Variants in EBF1 observed in about 807,000 individuals in gnomAD.
EBF1 encodes transcription factor COE1.
EBF1 carries 10 observed loss-of-function variants against 68.4 expected under a neutral mutation model. The observed-to-expected ratio is 0.15, with a 90% CI of 0.09 to 0.25. EBF1 has a LOEUF of 0.25. Among genes scored for constraint, EBF1 ranks in the 10% least tolerant of loss-of-function variants. The pLI, the probability that EBF1 is intolerant of heterozygous loss-of-function variation, is 1.00. For synonymous variants in EBF1, 298 were observed against 299.8 expected (o/e 0.99, Z 0.06); for missense variants, 509 against 794.4 (o/e 0.64, Z 4.32).
In EBF1 at chr5:158,835,695, C is replaced by CA. The variant is rs1208764345; in HGVS notation, c.636+4333dup. 9.2e-5 allele frequency among the ~76,000 whole-genome samples: 14 copies of CA among 152,126 alleles called. No individual in the cohort carries two copies. The East Asian group carries it at 2.5e-3, about 27-fold the overall frequency. On this transcript the variant is annotated intron_variant, in intron 7 of 15. Transcript: ENST00000313708. ...GGACAATTTTTTTTTGTTGTTGTTC[C>CA]AAAACATCAGAAAATATCTGAGTCA...
chr5:158,763,618 C>T (rs1358843842), intron 10 of EBF1, among the ~76,000 whole-genome samples: 1 of 152,110 alleles, frequency 6.6e-6, no homozygotes, highest in Non-Finnish European at 1.5e-5. Flanking sequence ...AGGAATTAAG[C>T]GTCTATACCA....
chr5:158,775,783 GACACACACACACACACACACACACAC>G (rs58752245), intron 10 of EBF1, among the ~76,000 whole-genome samples: 8 of 129,606 alleles, frequency 6.2e-5, no homozygotes, highest in East Asian at 4.8e-4. Flanking sequence ...CATGCACACA[GACACACACACACACACACACACACAC>G]ACACACACAC....
At chr5:159,093,057 T>C (rs1781935255) in intron 4 of EBF1, among the ~76,000 whole-genome samples, 1 of 152,242 alleles carries the variant, frequency 6.6e-6, no homozygotes, top group East Asian at 1.9e-4. Context: ...GAAAATTAAC[T>C]GTTTTACTCA....
intron 6 of EBF1, among the ~76,000 whole-genome samples, chr5:158,874,811 C>A (rs1307124325): frequency 6.6e-6 from 1 of 152,086 alleles, no homozygotes; most frequent in Non-Finnish European, 1.5e-5. Flanking sequence ...TTTACACCTA[C>A]AGTAATATAA....
chr5:158,820,423 A>G (rs987845641), intron 8 of EBF1, among the ~76,000 whole-genome samples: 1 of 152,218 alleles, frequency 6.6e-6, no homozygotes, highest in East Asian at 1.9e-4. Context: ...CACATTACCA[A>G]TGAAAGAGTT....
chr5:158,747,573 C>T (rs1359423210), intron 10 of EBF1, among the ~76,000 whole-genome samples: 1 of 152,120 alleles, frequency 6.6e-6, no homozygotes, highest in African/African-American at 2.4e-5. Context: ...AGGAAGACAA[C>T]AAATGTTCCC....
intron 10 of EBF1, among the ~76,000 whole-genome samples, chr5:158,739,715 T>C (rs568366367): frequency 2.6e-5 from 4 of 152,346 alleles, no homozygotes; most frequent in African/African-American, 9.6e-5. Flanking sequence ...TGGCATAGTT[T>C]CTGATATAAC....
intron 6 of EBF1, among the ~76,000 whole-genome samples, chr5:158,980,031 T>C (rs1022005993): frequency 6.6e-6 from 1 of 152,184 alleles, no homozygotes; most frequent in Non-Finnish European, 1.5e-5. Flanking sequence ...TGGTATTTTA[T>C]AGTCAGAAGG....
intron 3 of EBF1, among the ~76,000 whole-genome samples, chr5:159,096,047 C>T (rs1281244762): frequency 6.6e-6 from 1 of 152,242 alleles, no homozygotes; most frequent in Admixed American, 6.5e-5. Context: ...GGGCCTGCAG[C>T]CTGGGCCAAG....
intron 6 of EBF1, among the ~76,000 whole-genome samples, chr5:159,060,937 C>T (rs756379122): frequency 1.1e-5 from 1 of 88,568 alleles, no homozygotes; most frequent in African/African-American, 4.2e-5. Context: ...GCTACATACA[C>T]ACACACACAC....
chr5:159,046,378 C>G (rs903459668), intron 6 of EBF1, among the ~76,000 whole-genome samples: 1 of 152,154 alleles, frequency 6.6e-6, no homozygotes, highest in Non-Finnish European at 1.5e-5. Flanking sequence ...TTTAGCTATT[C>G]CCATAATTGT....
intron 9 of EBF1, among the ~76,000 whole-genome samples, chr5:158,787,301 T>A (rs949115745): frequency 6.6e-5 from 10 of 152,186 alleles, no homozygotes; most frequent in African/African-American, 2.4e-4. Flanking sequence ...CGGCTTTCCA[T>A]TTCTTCCCTA....
At chr5:158,760,006 C>T (rs752425805) in intron 10 of EBF1, among the ~76,000 whole-genome samples, 4 of 152,032 alleles carry the variant, frequency 2.6e-5, no homozygotes, top group Non-Finnish European at 5.9e-5. Context: ...CTGAAAAGAA[C>T]CTAGAATTCT....
rs183904885 is a variant in EBF1 at position 159,019,834 on chromosome 5, G to A, written c.554+53562C>T. 1.5e-3 allele frequency among the ~76,000 whole-genome samples: 229 copies of A among 152,162 alleles called. 2 individuals carry two copies. The highest frequency in any genetic ancestry group is 2.1e-3 in the Non-Finnish European group (142 of 68,014). Reference sequence around the variant, plus strand: ...TCTCTTACTGCTCCGATTGTTCTCGGTGCATCTCTGATAAGGATACGTTAA... The same window carrying A: ...TCTCTTACTGCTCCGATTGTTCTCGATGCATCTCTGATAAGGATACGTTAA... On this transcript the variant is annotated intron_variant, in intron 6 of 15. Transcript: ENST00000313708.
chr5:158,974,871 C>T (rs1460046193), intron 6 of EBF1, among the ~76,000 whole-genome samples: 1 of 152,186 alleles, frequency 6.6e-6, no homozygotes. Context: ...GAAGAAAAAA[C>T]ACAGCCCATC....
intron 6 of EBF1, among the ~76,000 whole-genome samples, chr5:158,996,080 C>T (rs1761365933): frequency 6.6e-6 from 1 of 152,202 alleles, no homozygotes; most frequent in African/African-American, 2.4e-5. Flanking sequence ...CCAAATCCAA[C>T]TTTAATTTAC....
intron 6 of EBF1, among the ~76,000 whole-genome samples, chr5:158,885,161 A>G (rs1027230279): frequency 2.6e-5 from 4 of 152,214 alleles, no homozygotes; most frequent in Admixed American, 6.5e-5. Context: ...TGACCACTGA[A>G]GACACAGGCA....
At chr5:158,798,958 T>G (rs1780076654) in intron 8 of EBF1, among the ~76,000 whole-genome samples, 1 of 152,180 alleles carries the variant, frequency 6.6e-6, no homozygotes, top group African/African-American at 2.4e-5. Flanking sequence ...ATTCAGACCT[T>G]TCTAAGTTTA....
At chr5:158,807,799 G>A (rs1355949932) in intron 8 of EBF1, among the ~76,000 whole-genome samples, 1 of 152,158 alleles carries the variant, frequency 6.6e-6, no homozygotes, top group African/African-American at 2.4e-5. Flanking sequence ...CAGTTTGAGA[G>A]ATGAGCTCCT....
Sources: gnomAD v4.1 joint callset for allele counts (sites outside exome capture counted in the v4.1 genomes callset) on GRCh38, gnomAD v4.1.1 for gene constraint, MANE v1.5 for transcripts, NCBI Gene and HGNC (gene_info 2026-07-23, HGNC 2026-07-21) for gene names.